The following GRID2IP variants were observed in gnomAD, a reference collection of about 807,000 sequenced individuals.
GRID2IP encodes the protein Grid2 interacting protein, also known as delphilin.
Under a neutral mutation model 114.3 loss-of-function variants are expected in GRID2IP, and 78 were observed. That is an observed-to-expected ratio of 0.68 (90% CI 0.57 to 0.82). GRID2IP has a LOEUF of 0.82. Among genes scored for constraint, GRID2IP ranks in the 40% least tolerant of loss-of-function variants. The pLI, the probability that GRID2IP is intolerant of heterozygous loss-of-function variation, is 0.00. For missense variants in GRID2IP, 1,727 were observed against 1,678.5 expected (o/e 1.03, Z -0.51); for synonymous variants, 809 against 724.0 (o/e 1.12, Z -1.89).
chr7:6,529,686 A>T (rs971389982), intron 2 of GRID2IP, among the ~76,000 whole-genome samples: 1 of 152,284 alleles, frequency 6.6e-6, no homozygotes, highest in Non-Finnish European at 1.5e-5. Context: ...CAGCAGAGCC[A>T]GGAGCAGTGG....
chr7:6,504,860 C>G lies in GRID2IP; in HGVS notation c.2643G>C (p.Pro881=), dbSNP rs954402975. ...FGTQKPAKPV[P]GPEPFRKKEV... ...CCTTCTTCCGGAAGGGCTCCGGCCC[C>G]GGCACCGGTTCTGGAAAAGAAACTG... is the stretch of plus-strand genomic sequence containing the variant. Residue 881 remains proline (P), a synonymous_variant, in exon 15 of 22, where the codon CCG becomes CCC. Transcript: ENST00000457091. 1.9e-6 allele frequency: 3 copies of G among 1,551,170 alleles called. No individual in the cohort carries two copies. Among genetic ancestry groups the G allele is most frequent in the Admixed American group, 3.9e-5 (2 of 50,974 alleles).
At chr7:6,531,323 T>A (rs944311223) in intron 2 of GRID2IP, 3 of 390,606 alleles carry the variant, frequency 7.7e-6, no homozygotes, top group African/African-American at 4.2e-5. Flanking sequence ...TTGGTCGCTC[T>A]GGGGTGCAGC....
rs957741624 is a variant in GRID2IP, at chr7:6,516,307, A to T, written c.1269-1778T>A. On this transcript the variant is annotated intron_variant, in intron 7 of 21. Transcript: ENST00000457091. This position sits in a 1 kb window ranked among gnomAD's most constrained non-coding sequence, Gnocchi z 4.3. ...GAATAAGAATAGTTATACTAGAAAT[A>T]GATTATAGATATGTATATGAATATT... is the stretch of plus-strand genomic sequence containing the variant. Among the ~76,000 whole-genome samples, 2 of 151,978 alleles carry T rather than the reference A, an allele frequency of 1.3e-5. No homozygotes were observed. Among genetic ancestry groups the T allele is most frequent in the Admixed American group, 1.3e-4 (2 of 15,242 alleles).
In GRID2IP at chr7:6,507,538, C is replaced by T. The variant is rs2115360700; in HGVS notation, c.2544+447G>A. Among the ~76,000 whole-genome samples the T allele has an allele frequency of 6.6e-6, 1 of 152,290 alleles. No homozygotes were observed. The highest frequency in any genetic ancestry group is 1.9e-4 in the East Asian group (1 of 5,188). On this transcript the variant is annotated intron_variant, in intron 13 of 21. Transcript: ENST00000457091. The surrounding 1 kb of genome is among the most constrained non-coding windows in gnomAD (Gnocchi z 5.3). Reference sequence around the variant, plus strand: ...GAGCAAGACAAAGGATGGTTAAAATCGTCCAGTGAGGAAAGGAAGACCTTG... The same window carrying T: ...GAGCAAGACAAAGGATGGTTAAAATTGTCCAGTGAGGAAAGGAAGACCTTG...
intron 1 of GRID2IP, 34 bp downstream of exon 1, chr7:6,550,974 C>CCG: frequency 6.8e-5 from 77 of 1,138,968 alleles, no homozygotes; most frequent in Middle Eastern, 3.4e-4. Flanking sequence ...GAGCCCCCTC[C>CCG]TTCCCGCCCC....
At chr7:6,518,342 T>C (rs1384360660) in intron 7 of GRID2IP, among the ~76,000 whole-genome samples, 1 of 151,726 alleles carries the variant, frequency 6.6e-6, no homozygotes, top group East Asian at 1.9e-4. Context: ...TAGAGAAAAA[T>C]CCCAGAAAAA....
rs1382748677 is a variant in GRID2IP at position 6,551,411 on chromosome 7, G to A, written c.26C>T (p.Thr9Met). 2.4e-5 allele frequency: 37 copies of A among 1,544,618 alleles called. No individual in the cohort carries two copies. Among genetic ancestry groups the A allele is most frequent in the Middle Eastern group, 1.7e-4 (1 of 5,918 alleles). The change falls in exon 1 of 22, where the codon ACG (threonine) becomes ATG (methionine). Residue 9 changes from threonine to methionine, a missense_variant. Transcript: ENST00000457091. ...AAAGTCCTCTGGCCAGCCCTGGTTC[G>A]TGGCCGGCGTGGCAGTGGTGGCCAT... MATTATPA[T>M]NQGWPEDFGF...
In GRID2IP at chr7:6,503,553, G is replaced by T. The variant is rs946388179; in HGVS notation, c.2845C>A (p.Arg949Ser). 11 of 1,528,734 alleles carry T rather than the reference G, an allele frequency of 7.2e-6. No homozygotes were observed. The highest frequency in any genetic ancestry group is 9.6e-6 in the Non-Finnish European group (11 of 1,144,102). The allele number at this position is 1,528,734 out of a possible 1,614,324, so 94.7% of individuals were successfully genotyped here. A position where few individuals can be genotyped will look rare whatever the true frequency, so the allele number is the denominator to read the frequency against. ...LFAPDADEEQ[R>S]YQAFREAPGR... ...GGCGCCTCGCGGAAGGCCTGGTAGC[G>T]CTGCTCCTCGTCGGCGTCGGGCGCG... The change falls in exon 16 of 22, where the codon CGC becomes AGC. Residue 949 changes from arginine to serine, a missense_variant. Coordinates refer to ENST00000457091, the MANE Select transcript of GRID2IP (RefSeq NM_001145118.2).
In GRID2IP at chr7:6,508,248, G is replaced by A; in HGVS notation, c.2281C>T (p.Pro761Ser). 2.0e-6 allele frequency: 3 copies of A among 1,534,930 alleles called. No individual in the cohort carries two copies. The highest frequency in any genetic ancestry group is 2.6e-6 in the Non-Finnish European group (3 of 1,140,704). ...PPPLSPPPPPPLPFHDAKPSS... is the reference protein window; with the variant it reads ...PPPLSPPPPPSLPFHDAKPSS... ...GGCTTAGCGTCATGGAAAGGCAGGG[G>A]TGGCGGTGGTGGGGGGCTGAGCGGG... Residue 761 changes from proline (P) to serine (S), a missense_variant, in exon 13 of 22, where the codon CCC becomes TCC. Transcript: ENST00000457091. This position sits in a 1 kb window ranked among gnomAD's most constrained non-coding sequence, Gnocchi z 5.6.
intron 1 of GRID2IP, among the ~76,000 whole-genome samples, chr7:6,545,827 G>T (rs1320122188): frequency 2.6e-5 from 4 of 152,146 alleles, no homozygotes; most frequent in Non-Finnish European, 5.9e-5. Context: ...AGTGGGCCAG[G>T]CTGGCAGCAC....
chr7:6,551,200 CA>C lies in GRID2IP; in HGVS notation c.236del (p.Leu79ArgfsTer33). 6.9e-7 allele frequency: 1 copy of C among 1,455,012 alleles called. No individual in the cohort carries two copies. Among genetic ancestry groups the C allele is most frequent in the Non-Finnish European group, 9.0e-7 (1 of 1,112,628 alleles). 90.1% of individuals were successfully genotyped at this position (1,455,012 alleles called of 1,614,324 possible). ...ARRCPRVPPS[L>X]GVLPAPDGGP... ...CACCGTCGGGAGCCGGGAGCACGCC[CA>C]GACTGGGCGGCACACGTGGGCAGCG... On this transcript the variant is annotated frameshift_variant, in exon 1 of 22. Transcript: ENST00000457091. LOFTEE classifies it high-confidence loss of function.
At chr7:6,549,294 G>C (rs190632668) in intron 1 of GRID2IP, among the ~76,000 whole-genome samples, 22 of 152,292 alleles carry the variant, frequency 1.4e-4, no homozygotes, top group Non-Finnish European at 2.8e-4. Context: ...CCAGCCCTGG[G>C]TCTCTAAATG....
At position 6,520,447 on chromosome 7, in the gene GRID2IP, C is replaced by T; in HGVS notation, c.1268+131G>A. On this transcript the variant is annotated intron_variant, in intron 7 of 21. Coordinates refer to ENST00000457091, the MANE Select transcript of GRID2IP (RefSeq NM_001145118.2). This position sits in a 1 kb window ranked among gnomAD's most constrained non-coding sequence, Gnocchi z 4.6. The stretch of plus-strand genomic sequence containing the variant: ...ACCACCCTGGGGCCCCTGATACCAG[C>T]AGCCACCTTCCTGAGCATCCCCCAG... The T allele has an allele frequency of 1.9e-6, 2 of 1,047,548 alleles. No homozygotes were observed. The highest frequency in any genetic ancestry group is 1.3e-6 in the Non-Finnish European group (1 of 744,902). The allele number at this position is 1,047,548 out of a possible 1,614,324, so 64.9% of individuals were successfully genotyped here.
rs1473181522 is a variant in GRID2IP at position 6,520,756 on chromosome 7, C to T, written c.1090G>A (p.Asp364Asn). 25 of 1,550,270 alleles carry T rather than the reference C, an allele frequency of 1.6e-5. No homozygotes were observed. Among genetic ancestry groups the T allele is most frequent in the Non-Finnish European group, 1.5e-5 (17 of 1,146,060 alleles). The change falls in exon 7 of 22, where the codon GAT (aspartate) becomes AAT (asparagine). Residue 364 changes from aspartate (D) to asparagine (N), a missense_variant. By Grantham distance (23) the Asp-to-Asn change is conservative. Transcript: ENST00000457091. The surrounding 1 kb of genome is among the most constrained non-coding windows in gnomAD (Gnocchi z 4.6). Reference sequence around the variant, plus strand: ...GACGGGTTGGGTGAGTCCAGAGAATCGGAGTCTGCTGGGACCACAGGCGGG... The same window carrying T: ...GACGGGTTGGGTGAGTCCAGAGAATTGGAGTCTGCTGGGACCACAGGCGGG... ...EGLVPFASDS[D>N]SLDSPNPSSA... is the part of the protein sequence containing the mutation.
chr7:6,497,983 T>C lies in GRID2IP; in HGVS notation c.3564+81A>G, dbSNP rs1786304986. On this transcript the variant is annotated intron_variant, in intron 21 of 21. Coordinates refer to ENST00000457091, the MANE Select transcript of GRID2IP (RefSeq NM_001145118.2). ...CTCACTGGAGCCCCTTTCCCAGCCC[T>C]GGCTTCATGGAGGATCCCTTCATTT... 5 of 1,446,938 alleles carry C rather than the reference T, an allele frequency of 3.5e-6. No individual in the cohort carries two copies. In the South Asian group the frequency reaches 5.5e-5, roughly 16 times the overall value. 89.6% of individuals were successfully genotyped at this position (1,446,938 alleles called of 1,614,324 possible). A position where few individuals can be genotyped will look rare whatever the true frequency, so the allele number is the denominator to read the frequency against.
Position 6,506,700 on chromosome 7 carries a change from T to TTTA in GRID2IP, c.2545-794_2545-793insTAA, listed in dbSNP as rs1554274707. Among the ~76,000 whole-genome samples, 2 of 147,470 alleles carry TTTA rather than the reference T, an allele frequency of 1.4e-5. No individual in the cohort carries two copies. On this transcript the variant is annotated intron_variant, in intron 13 of 21. Transcript: ENST00000457091. The surrounding 1 kb of genome is among the most constrained non-coding windows in gnomAD (Gnocchi z 5.2). ...TGAGGTATTTTTTTTTTTTTTTTTT[T>TTTA]AGATAGGGTCTCACTCTGTACCCCA...
At chr7:6,540,136 C>T (rs752516595) in intron 1 of GRID2IP, among the ~76,000 whole-genome samples, 10 of 131,474 alleles carry the variant, frequency 7.6e-5, no homozygotes, top group Non-Finnish European at 1.4e-4. Flanking sequence ...CTTTTTGAGA[C>T]GGAGTTTCAG....
intron 1 of GRID2IP, among the ~76,000 whole-genome samples, chr7:6,541,773 G>T (rs1040819991): frequency 6.6e-6 from 1 of 152,152 alleles, no homozygotes; most frequent in African/African-American, 2.4e-5. Context: ...AGGTTGTTAA[G>T]TGTGTCCAAA....
chr7:6,508,270 C>A lies in GRID2IP; in HGVS notation c.2259G>T (p.Pro753=). ...GGGGTGGCGGTGGTGGGGGGCTGAG[C>A]GGGGGTGGGGGGATGTGGTCAGAGA... ...SSISDHIPPP[P]LSPPPPPPLP... Residue 753 remains proline, a synonymous_variant, in exon 13 of 22, where the codon CCG becomes CCT. Transcript: ENST00000457091. This position sits in a 1 kb window ranked among gnomAD's most constrained non-coding sequence, Gnocchi z 5.6. 1 of 266,022 alleles carries A rather than the reference C, an allele frequency of 3.8e-6. No homozygotes were observed. The highest frequency in any genetic ancestry group is 5.4e-6 in the Non-Finnish European group (1 of 183,728). The allele number at this position is 266,022 out of a possible 1,614,324, so 16.5% of individuals were successfully genotyped here. A position where few individuals can be genotyped will look rare whatever the true frequency, so the allele number is the denominator to read the frequency against.
Sources: allele counts gnomAD v4.1 joint callset (sites outside exome capture counted in the v4.1 genomes callset), GRCh38; gene constraint gnomAD v4.1.1; non-coding constraint Gnocchi (gnomAD v3.1); transcripts MANE v1.5; gene names NCBI Gene and HGNC (gene_info 2026-07-23, HGNC 2026-07-21).